NKAIN2: variants seen among roughly 807,000 people sequenced by gnomAD.
NKAIN2 encodes the protein sodium/potassium transporting ATPase interacting 2.
NKAIN2 carries 14 observed loss-of-function variants against 32.6 expected under a neutral mutation model. That is an observed-to-expected ratio of 0.43 (90% confidence interval 0.28 to 0.67). The LOEUF is 0.67. NKAIN2 is among the 30% of genes least tolerant of loss of function. The pLI is 0.17. For synonymous variants in NKAIN2, 80 were observed against 87.2 expected (o/e 0.92, Z 0.46); for missense variants, 198 against 258.3 (o/e 0.77, Z 1.60).
intron 3 of NKAIN2, among the ~76,000 whole-genome samples, chr6:124,506,125 G>T (rs1460827297): frequency 1.3e-5 from 2 of 151,880 alleles, no homozygotes; most frequent in Non-Finnish European, 2.9e-5. Context: ...AGCTTGCAGT[G>T]CGCCGAGATC....
At chr6:124,351,527 AAAG>A (rs913933801) in intron 2 of NKAIN2, among the ~76,000 whole-genome samples, 4 of 151,716 alleles carry the variant, frequency 2.6e-5, no homozygotes, top group South Asian at 2.1e-4. Flanking sequence ...AAAAAAAAGA[AAAG>A]AAGAAGAAAT....
intron 1 of NKAIN2, among the ~76,000 whole-genome samples, chr6:124,224,304 G>C (rs1486293690): frequency 6.6e-6 from 1 of 152,108 alleles, no homozygotes; most frequent in East Asian, 1.9e-4. Flanking sequence ...GTATAATTAT[G>C]ATGTTTGGTT....
chr6:124,474,561 C>T lies in NKAIN2; in HGVS notation c.273+119214C>T, dbSNP rs73580524. Among the ~76,000 whole-genome samples the T allele has an allele frequency of 2.4e-3, 360 of 152,128 alleles. 2 individuals are homozygous for T. Among genetic ancestry groups the T allele is most frequent in the African/African-American group, 8.2e-3 (340 of 41,522 alleles). ...CACACAAGCACACACCCTTTACATA[C>T]GCATACATACTTTCAATTAAAAATG... is the stretch of plus-strand genomic sequence containing the variant. On this transcript the variant is annotated intron_variant, in intron 3 of 6. Coordinates refer to ENST00000368417, the MANE Select transcript of NKAIN2 (RefSeq NM_001040214.3).
At chr6:124,159,560 C>G (rs1788166742) in intron 1 of NKAIN2, among the ~76,000 whole-genome samples, 1 of 152,172 alleles carries the variant, frequency 6.6e-6, no homozygotes, top group Admixed American at 6.5e-5. Flanking sequence ...TTTTAACTTA[C>G]ACTAAACGTG....
intron 1 of NKAIN2, among the ~76,000 whole-genome samples, chr6:123,972,320 A>G (rs758500673): frequency 2.0e-5 from 3 of 152,198 alleles, no homozygotes; most frequent in African/African-American, 4.8e-5. Context: ...TCAACCATAC[A>G]TTATTTAGAT....
chr6:123,947,914 C>G (rs1022216815), intron 1 of NKAIN2, among the ~76,000 whole-genome samples: 19 of 150,182 alleles, frequency 1.3e-4, no homozygotes, highest in African/African-American at 4.4e-4. Flanking sequence ...CTCACAAGCT[C>G]TCACCATCTA....
intron 1 of NKAIN2, among the ~76,000 whole-genome samples, chr6:123,918,005 A>G (rs1454793941): frequency 1.3e-5 from 2 of 152,196 alleles, no homozygotes; most frequent in Non-Finnish European, 2.9e-5. Context: ...TAAGTAGATC[A>G]TATTGAAAAC....
intron 4 of NKAIN2, among the ~76,000 whole-genome samples, chr6:124,710,214 G>C (rs1359014796): frequency 2.0e-5 from 3 of 152,002 alleles, no homozygotes; most frequent in Admixed American, 6.6e-5. Context: ...TATAATCTCT[G>C]TTCTTTTACA....
intron 3 of NKAIN2, among the ~76,000 whole-genome samples, chr6:124,639,125 T>C (rs181230581): frequency 6.6e-6 from 1 of 152,182 alleles, no homozygotes; most frequent in Admixed American, 6.5e-5. Context: ...TTATACACCA[T>C]TGGTGGGAAG....
At chr6:124,027,267 G>A (rs1029790652) in intron 1 of NKAIN2, among the ~76,000 whole-genome samples, 4 of 151,478 alleles carry the variant, frequency 2.6e-5, no homozygotes, top group African/African-American at 9.7e-5. Context: ...AGCCTCCCAA[G>A]TAGCTAGGAT....
chr6:124,117,436 C>T (rs777628033), intron 1 of NKAIN2, among the ~76,000 whole-genome samples: 6 of 152,136 alleles, frequency 3.9e-5, no homozygotes, highest in Admixed American at 6.6e-5. Flanking sequence ...CTGACCTGAG[C>T]ATCTGCCTGT....
intron 1 of NKAIN2, among the ~76,000 whole-genome samples, chr6:123,956,256 T>C (rs1777585464): frequency 6.6e-6 from 1 of 152,216 alleles, no homozygotes; most frequent in Non-Finnish European, 1.5e-5. Context: ...CTGAAAGATC[T>C]GCATTATGGA....
At chr6:123,991,820 C>A (rs939662291) in intron 1 of NKAIN2, among the ~76,000 whole-genome samples, 1 of 152,048 alleles carries the variant, frequency 6.6e-6, no homozygotes, top group African/African-American at 2.4e-5. Context: ...TGAGATCGCA[C>A]CACTGCACTC....
intron 3 of NKAIN2, among the ~76,000 whole-genome samples, chr6:124,418,035 G>C (rs1774572598): frequency 6.6e-6 from 1 of 152,082 alleles, no homozygotes; most frequent in Non-Finnish European, 1.5e-5. Flanking sequence ...TTATGACCCA[G>C]GTTTGCATAT....
rs1284401746 is a variant in NKAIN2 at position 123,934,506 on chromosome 6, A to G, written c.54+130252A>G. ...TCTAGCCATTTATTTTATGCACATT[A>G]TTCTGTAGTGTGCCATTACTTATTC... is the stretch of plus-strand genomic sequence containing the variant. On this transcript the variant is annotated intron_variant, in intron 1 of 6. Transcript: ENST00000368417. Among the ~76,000 whole-genome samples, 3 of 152,032 alleles carry G rather than the reference A, an allele frequency of 2.0e-5. No homozygotes were observed. In the East Asian group the frequency reaches 5.8e-4, roughly 29 times the overall value.
intron 1 of NKAIN2, among the ~76,000 whole-genome samples, chr6:123,893,837 G>A (rs1251228725): frequency 6.6e-6 from 1 of 152,092 alleles, no homozygotes; most frequent in African/African-American, 2.4e-5. Context: ...GGGGGAGGAG[G>A]CCTATTTGGC....
intron 2 of NKAIN2, among the ~76,000 whole-genome samples, chr6:124,320,678 C>T (rs2115023400): frequency 6.6e-6 from 1 of 152,296 alleles, no homozygotes; most frequent in Admixed American, 6.5e-5. Flanking sequence ...AGAATAAATA[C>T]TTAGCCAGCA....
In NKAIN2 at chr6:124,231,160, T is replaced by C. The variant is rs376878844; in HGVS notation, c.55-51845T>C. ...ATCATTTTGGAGCTTTAAGATTTAA[T>C]GGCCCTGCTGGATGTTGGACTTGCA... On this transcript the variant is annotated intron_variant, in intron 1 of 6. Transcript: ENST00000368417. 1.2e-3 allele frequency among the ~76,000 whole-genome samples: 186 copies of C among 152,324 alleles called. 1 individual carries two copies. Among genetic ancestry groups the C allele is most frequent in the African/African-American group, 4.3e-3 (178 of 41,594 alleles).
Position 124,766,439 on chromosome 6 carries a change from G to C in NKAIN2, c.475-24900G>C, listed in dbSNP as rs1323538216. Among the ~76,000 whole-genome samples the C allele has an allele frequency of 2.0e-5, 3 of 152,216 alleles. No individual in the cohort carries two copies. The East Asian group carries it at 5.8e-4, about 29-fold the overall frequency. ...TTCCTCTGAAACTTAAACATTCCCA[G>C]CCACCTGTCCCTTCCACGCACCCTC... On this transcript the variant is annotated intron_variant, in intron 4 of 6. Transcript: ENST00000368417.
Sources: allele counts gnomAD v4.1 joint callset (sites outside exome capture counted in the v4.1 genomes callset), GRCh38; gene constraint gnomAD v4.1.1; transcripts MANE v1.5; gene names NCBI Gene and HGNC (gene_info 2026-07-23, HGNC 2026-07-21).